KCNN2: variants seen among roughly 807,000 people sequenced by gnomAD.
KCNN2 encodes small conductance calcium-activated potassium channel protein 2.
In KCNN2, 24 loss-of-function variants were observed where a neutral mutation model predicts 55.5. The ratio of observed to expected loss-of-function variants is 0.43; its 90% confidence interval spans 0.31 to 0.61. KCNN2 has a LOEUF of 0.61. Among genes scored for constraint, KCNN2 ranks in the 20% least tolerant of loss-of-function variants. The probability of loss-of-function intolerance (pLI) is 0.08; values close to 1 mark genes in which losing one functional copy is unlikely to be tolerated. For missense variants in KCNN2, 754 were observed against 853.6 expected (o/e 0.88, Z 1.45); for synonymous variants, 431 against 336.1 (o/e 1.28, Z -3.09).
intron 2 of KCNN2, among the ~76,000 whole-genome samples, chr5:114,385,850 C>G (rs1047543657): frequency 1.3e-5 from 2 of 151,468 alleles, no homozygotes; most frequent in African/African-American, 4.9e-5. Context: ...AGAGCCATAC[C>G]TGGATTATCT....
chr5:114,276,198 T>G (rs1215962658), intron 2 of KCNN2, among the ~76,000 whole-genome samples: 1 of 152,176 alleles, frequency 6.6e-6, no homozygotes, highest in Non-Finnish European at 1.5e-5. Flanking sequence ...GAGAGACAGT[T>G]TATTGTGATT....
At chr5:114,161,558 G>C (rs901510381) in intron 1 of KCNN2, among the ~76,000 whole-genome samples, 2 of 152,158 alleles carry the variant, frequency 1.3e-5, no homozygotes, top group Non-Finnish European at 2.9e-5. Context: ...TGCCTTGCTA[G>C]ATTGGGGAAG....
At chr5:114,237,429 A>G (rs1374738312) in intron 2 of KCNN2, among the ~76,000 whole-genome samples, 1 of 152,156 alleles carries the variant, frequency 6.6e-6, no homozygotes, top group East Asian at 1.9e-4. Flanking sequence ...CTAGATTAGT[A>G]TCTTTCAAGC....
chr5:114,469,818 AT>A (rs1300746160), intron 4 of KCNN2, among the ~76,000 whole-genome samples: 2 of 152,288 alleles, frequency 1.3e-5, no homozygotes, highest in Admixed American at 6.5e-5. Flanking sequence ...AACTCTAAAA[AT>A]TAAAAAATAA....
chr5:114,095,152 G>A (rs1751230029), intron 1 of KCNN2, among the ~76,000 whole-genome samples: 1 of 152,012 alleles, frequency 6.6e-6, no homozygotes, highest in Admixed American at 6.6e-5. Flanking sequence ...AAACTACTAT[G>A]TTTGTGGTAA....
At chr5:114,192,260 T>G (rs1753465370) in intron 1 of KCNN2, among the ~76,000 whole-genome samples, 1 of 152,182 alleles carries the variant, frequency 6.6e-6, no homozygotes, top group Non-Finnish European at 1.5e-5. Context: ...TTTTAATGTT[T>G]TGGCTGCTCT....
At chr5:114,429,700 C>T (rs943683184) in intron 3 of KCNN2, among the ~76,000 whole-genome samples, 3 of 151,710 alleles carry the variant, frequency 2.0e-5, no homozygotes, top group Admixed American at 6.6e-5. Context: ...TAGATTTTCT[C>T]CTAATATATT....
intron 1 of KCNN2, among the ~76,000 whole-genome samples, chr5:114,136,385 C>T (rs1752174406): frequency 6.6e-6 from 1 of 152,180 alleles, no homozygotes; most frequent in Non-Finnish European, 1.5e-5. Flanking sequence ...TTGCCAGATG[C>T]TTGTGCTGTG....
chr5:114,197,861 A>G (rs1753590981), intron 1 of KCNN2, among the ~76,000 whole-genome samples: 3 of 152,208 alleles, frequency 2.0e-5, no homozygotes. Flanking sequence ...CTCAAATGCC[A>G]CAGATTCTTA....
chr5:114,319,083 G>A (rs1248182373), intron 2 of KCNN2, among the ~76,000 whole-genome samples: 1 of 152,002 alleles, frequency 6.6e-6, no homozygotes, highest in Non-Finnish European at 1.5e-5. Flanking sequence ...GGTATATTCA[G>A]GAATATACTC....
At chr5:114,266,408 A>G (rs776070989) in intron 2 of KCNN2, among the ~76,000 whole-genome samples, 2 of 152,180 alleles carry the variant, frequency 1.3e-5, no homozygotes, top group South Asian at 2.1e-4. Flanking sequence ...AGGATTTGAT[A>G]TAACACCAGG....
intron 1 of KCNN2, among the ~76,000 whole-genome samples, chr5:114,133,260 C>T (rs550480532): frequency 1.3e-5 from 2 of 151,908 alleles, no homozygotes; most frequent in Non-Finnish European, 2.9e-5. Context: ...GTATAATATA[C>T]ACTAGAGAAT....
chr5:114,299,208 T>C (rs1191435378), intron 2 of KCNN2, among the ~76,000 whole-genome samples: 1 of 151,894 alleles, frequency 6.6e-6, no homozygotes, highest in African/African-American at 2.4e-5. Flanking sequence ...GCCTCCTCTA[T>C]GTTTGTCAGC....
At chr5:114,113,364 G>A (rs2112585982) in intron 1 of KCNN2, among the ~76,000 whole-genome samples, 1 of 151,932 alleles carries the variant, frequency 6.6e-6, no homozygotes, top group South Asian at 2.1e-4. Context: ...AAATCACCAA[G>A]CAAAAGAGCG....
At chr5:114,056,423 A>G (rs1331124509) in exon 1 of KCNN2, 1 of 398,526 alleles carries the variant, frequency 2.5e-6, no homozygotes, top group Non-Finnish European at 4.4e-6. Flanking sequence ...CCACTGGCGC[A>G]TTTCACCAAG....
intron 1 of KCNN2, among the ~76,000 whole-genome samples, chr5:114,145,147 G>A (rs2974476): frequency 0.13 from 19,668 of 152,066 alleles, 1,407 homozygotes; most frequent in African/African-American, 0.18. Flanking sequence ...CACTTAAAAG[G>A]AAAAAAGGAG....
At chr5:114,156,468 T>G (rs907983755) in intron 1 of KCNN2, among the ~76,000 whole-genome samples, 1 of 152,322 alleles carries the variant, frequency 6.6e-6, no homozygotes, top group African/African-American at 2.4e-5. Context: ...TAAACTGCTT[T>G]GGGAAATGTG....
At position 114,277,535 on chromosome 5, in the gene KCNN2, G is replaced by A. The variant is rs547456162; in HGVS notation, c.-185+55970G>A. Among the ~76,000 whole-genome samples the A allele has an allele frequency of 1.9e-4, 29 of 152,010 alleles. No homozygotes were observed. In the South Asian group the frequency reaches 3.7e-3, roughly 20 times the overall value. The stretch of plus-strand genomic sequence containing the variant: ...ATATTTCCTGGAGGCTTTGTTATTT[G>A]TTTTCACTGTGTTGTCTCTAATCTT... On this transcript the variant is annotated intron_variant, in intron 2 of 10. Transcript: ENST00000512097.
intron 1 of KCNN2, among the ~76,000 whole-genome samples, chr5:114,080,596 CAATT>C (rs199951051): frequency 0.026 from 4,014 of 152,120 alleles, 176 homozygotes; most frequent in African/African-American, 0.091. Context: ...CTGATCATCT[CAATT>C]GATTTAGAAA....
Sources: allele counts gnomAD v4.1 joint callset (sites outside exome capture counted in the v4.1 genomes callset), GRCh38; gene constraint gnomAD v4.1.1; transcripts MANE v1.5; gene names NCBI Gene and HGNC (gene_info 2026-07-23, HGNC 2026-07-21).